The following LINGO2 variants were observed in gnomAD, a reference collection of about 807,000 sequenced individuals.
LINGO2 encodes leucine rich repeat and Ig domain containing 2.
LINGO2 carries 14 observed loss-of-function variants against 30.6 expected under a neutral mutation model. The ratio of observed to expected loss-of-function variants is 0.46; its 90% CI spans 0.30 to 0.72. The LOEUF is 0.72. Among genes scored for constraint, LINGO2 ranks in the 30% least tolerant of loss-of-function variants. The pLI, the probability that LINGO2 is intolerant of heterozygous loss-of-function variation, is 0.07. For missense variants in LINGO2, 729 were observed against 751.7 expected, an observed-to-expected ratio of 0.97 and a Z score of 0.35; for synonymous variants, 317 against 288.5, an observed-to-expected ratio of 1.10 and a Z score of -1.00.
At chr9:29,006,334 G>A in the LINGO2 span, among the ~76,000 whole-genome samples, 3 of 151,846 alleles carry the variant, frequency 2.0e-5, no homozygotes, top group African/African-American at 7.3e-5. Flanking sequence ...GGTATGCCAA[G>A]TATTATCAAT....
At chr9:28,865,559 G>T in the LINGO2 span, among the ~76,000 whole-genome samples, 5 of 152,132 alleles carry the variant, frequency 3.3e-5, no homozygotes, top group African/African-American at 1.2e-4. Flanking sequence ...GAGGCGGGAG[G>T]ATCATGAGGT....
At chr9:28,320,498 C>T (rs1824999956) in intron 3 of LINGO2, among the ~76,000 whole-genome samples, 1 of 152,104 alleles carries the variant, frequency 6.6e-6, no homozygotes, top group Non-Finnish European at 1.5e-5. Flanking sequence ...TGCTCTTAGG[C>T]TCTGGAGAAA....
chr9:28,041,738 T>C (rs1186693912), intron 4 of LINGO2, among the ~76,000 whole-genome samples: 3 of 152,306 alleles, frequency 2.0e-5, no homozygotes, highest in East Asian at 3.9e-4. Context: ...ACCACACATA[T>C]TGTTAGCGAC....
chr9:29,193,046 G>A, the LINGO2 span, among the ~76,000 whole-genome samples: 8 of 152,260 alleles, frequency 5.3e-5, no homozygotes, highest in East Asian at 1.4e-3. Flanking sequence ...ATTCTCAGAA[G>A]GCACTATATA....
At chr9:27,981,820 T>C (rs934112284) in intron 5 of LINGO2, among the ~76,000 whole-genome samples, 2 of 151,788 alleles carry the variant, frequency 1.3e-5, no homozygotes, top group Admixed American at 1.3e-4. Context: ...GCAAATACAA[T>C]AGTAGTTTGA....
At chr9:28,738,123 T>C in the LINGO2 span, among the ~76,000 whole-genome samples, 1 of 152,130 alleles carries the variant, frequency 6.6e-6, no homozygotes, top group African/African-American at 2.4e-5. Flanking sequence ...TGGATTATAG[T>C]GTCCAGAGAG....
At chr9:28,346,538 C>T (rs1819577775) in intron 3 of LINGO2, among the ~76,000 whole-genome samples, 1 of 152,044 alleles carries the variant, frequency 6.6e-6, no homozygotes, top group Non-Finnish European at 1.5e-5. Context: ...ATTTATATTC[C>T]TTTGGGTACA....
intron 2 of LINGO2, among the ~76,000 whole-genome samples, chr9:28,382,244 T>C (rs534649304): frequency 6.6e-6 from 1 of 152,300 alleles, no homozygotes; most frequent in Admixed American, 6.5e-5. Flanking sequence ...CTATCTCAGC[T>C]GGCTGCATTT....
chr9:28,786,245 A>G, the LINGO2 span, among the ~76,000 whole-genome samples: 2 of 152,188 alleles, frequency 1.3e-5, no homozygotes, highest in Non-Finnish European at 1.5e-5. Flanking sequence ...CTAATAAAAA[A>G]AACCTCTCCT....
At chr9:29,116,405 G>T in the LINGO2 span, among the ~76,000 whole-genome samples, 1 of 152,004 alleles carries the variant, frequency 6.6e-6, no homozygotes, top group African/African-American at 2.4e-5. Context: ...CTTCCATAAA[G>T]ATGGCATAAA....
chr9:28,507,879 A>G (rs1021564173), intron 1 of LINGO2, among the ~76,000 whole-genome samples: 20 of 152,172 alleles, frequency 1.3e-4, no homozygotes, highest in African/African-American at 4.6e-4. Context: ...TTTTTTCTAA[A>G]AATTTCACTT....
chr9:28,479,476 C>T (rs987468167), intron 1 of LINGO2, among the ~76,000 whole-genome samples: 6 of 151,742 alleles, frequency 4.0e-5, no homozygotes, highest in Non-Finnish European at 7.4e-5. Context: ...TGATTACAGT[C>T]GTTATTTCCA....
intron 1 of LINGO2, among the ~76,000 whole-genome samples, chr9:28,650,501 C>T (rs1050884380): frequency 3.3e-5 from 5 of 152,102 alleles, no homozygotes; most frequent in Non-Finnish European, 7.4e-5. Flanking sequence ...CAGATGAGGT[C>T]GCCTTTTCCT....
chr9:28,693,862 C>T, the LINGO2 span, among the ~76,000 whole-genome samples: 1 of 151,636 alleles, frequency 6.6e-6, no homozygotes, highest in Non-Finnish European at 1.5e-5. Context: ...AATTGCTTTC[C>T]CATGTTGTTG....
At chr9:28,433,966 T>TAG (rs752778212) in intron 2 of LINGO2, among the ~76,000 whole-genome samples, 2 of 99,994 alleles carry the variant, frequency 2.0e-5, no homozygotes, top group South Asian at 6.7e-4. Context: ...TATATATATA[T>TAG]ACACACACAC....
the LINGO2 span, among the ~76,000 whole-genome samples, chr9:28,764,301 T>C: frequency 6.6e-6 from 1 of 151,968 alleles, no homozygotes; most frequent in Non-Finnish European, 1.5e-5. Flanking sequence ...TCAAATAGAT[T>C]ATATACAAAG....
chr9:29,109,293 A>G, the LINGO2 span, among the ~76,000 whole-genome samples: 26 of 152,276 alleles, frequency 1.7e-4, no homozygotes, highest in African/African-American at 6.0e-4. Context: ...GACTGTTTCA[A>G]TGACTGCCCA....
chr9:29,038,500 T>C, the LINGO2 span, among the ~76,000 whole-genome samples: 81 of 151,920 alleles, frequency 5.3e-4, no homozygotes, highest in Admixed American at 1.1e-3. Context: ...GTTTCTCACC[T>C]TTTTTCCCCA....
At chr9:28,249,579 G>C (rs937407767) in intron 4 of LINGO2, among the ~76,000 whole-genome samples, 5 of 152,050 alleles carry the variant, frequency 3.3e-5, no homozygotes, top group African/African-American at 9.7e-5. Flanking sequence ...TAGGTTGATT[G>C]AGTAATCAAA....
Sources: allele counts gnomAD v4.1 joint callset (sites outside exome capture counted in the v4.1 genomes callset), GRCh38; gene constraint gnomAD v4.1.1; transcripts MANE v1.5; gene names NCBI Gene and HGNC (gene_info 2026-07-23, HGNC 2026-07-21).